The following SCAPER variants were observed in gnomAD, a reference collection of about 807,000 sequenced individuals.
SCAPER encodes the protein S-phase cyclin A associated protein in the ER.
Under a neutral mutation model 182.2 loss-of-function variants are expected in SCAPER, and 98 were observed. That is an observed-to-expected ratio of 0.54 (90% CI 0.46 to 0.64). The LOEUF is 0.64. Ranked by LOEUF, SCAPER falls within the 30% of genes least tolerant of loss-of-function variation. The probability of loss-of-function intolerance (pLI) is 0.00; values close to 1 mark genes in which losing one functional copy is unlikely to be tolerated. For synonymous variants in SCAPER, 605 were observed against 564.6 expected (o/e 1.07, Z -1.01); for missense variants, 1,432 against 1,690.0 (o/e 0.85, Z 2.68).
intron 20 of SCAPER, among the ~76,000 whole-genome samples, chr15:76,694,311 T>C (rs750868135): frequency 1.3e-4 from 20 of 152,148 alleles, no homozygotes; most frequent in Non-Finnish European, 2.6e-4. Flanking sequence ...TTTACCTCCT[T>C]GGGTGAATTT....
In SCAPER at chr15:76,575,185, C is replaced by G. The variant is rs139005329; in HGVS notation, c.2712-901G>C. 6.1e-3 allele frequency among the ~76,000 whole-genome samples: 927 copies of G among 152,204 alleles called. 4 individuals carry two copies. Among genetic ancestry groups the G allele is most frequent in the African/African-American group, 0.022 (894 of 41,526 alleles). Reference sequence around the variant, plus strand: ...GTCTTGCATGCATTAATTTCTTTAGCTGGATTAATGAAAACAACTGGCAGA... The same window carrying G: ...GTCTTGCATGCATTAATTTCTTTAGGTGGATTAATGAAAACAACTGGCAGA... On this transcript the variant is annotated intron_variant, in intron 22 of 31. Coordinates refer to ENST00000563290, the MANE Select transcript of SCAPER (RefSeq NM_020843.4).
At chr15:76,742,025 A>G (rs1383901914) in intron 15 of SCAPER, among the ~76,000 whole-genome samples, 1 of 152,146 alleles carries the variant, frequency 6.6e-6, no homozygotes, top group Non-Finnish European at 1.5e-5. Context: ...AACTAACAAA[A>G]TAAAGAAGGG....
chr15:76,861,980 T>C (rs901500068), intron 3 of SCAPER: 2 of 152,288 alleles, frequency 1.3e-5, no homozygotes, highest in Non-Finnish European at 2.9e-5. Flanking sequence ...TATAAAACCA[T>C]CACATTTCAT....
In SCAPER at chr15:76,476,595, A is replaced by ATTTTTTT. The variant is rs5813839; in HGVS notation, c.2955-5267_2955-5261dup. On this transcript the variant is annotated intron_variant, in intron 24 of 31. Transcript: ENST00000563290. ...AGGTACACACCACAACACCCAGCTAATTTTTTTTTTTTTTTTTTTTTTTTT... is the reference window on the plus strand; with the variant it reads ...AGGTACACACCACAACACCCAGCTAATTTTTTTTTTTTTTTTTTTTTTTTTTTTTTTT... 2.1e-3 allele frequency among the ~76,000 whole-genome samples: 156 copies of ATTTTTTT among 73,532 alleles called. 14 individuals are homozygous for ATTTTTTT. Among genetic ancestry groups the ATTTTTTT allele is most frequent in the African/African-American group, 3.1e-3 (58 of 18,962 alleles). 48.2% of individuals were successfully genotyped at this position (73,532 alleles called of 152,430 possible). A position where few individuals can be genotyped will look rare whatever the true frequency, so the allele number is the denominator to read the frequency against.
At chr15:76,728,510 C>T (rs1376304954) in intron 17 of SCAPER, 85 bp downstream of exon 17, 5 of 1,559,238 alleles carry the variant, frequency 3.2e-6, no homozygotes, top group South Asian at 2.4e-5. Context: ...CTCAAAAAAA[C>T]TCTACATGAC....
chr15:76,539,943 A>C (rs901452978), intron 23 of SCAPER, among the ~76,000 whole-genome samples: 2 of 152,228 alleles, frequency 1.3e-5, no homozygotes, highest in Admixed American at 6.5e-5. Flanking sequence ...TGAAACACTG[A>C]AACAGCAAAA....
intron 25 of SCAPER, among the ~76,000 whole-genome samples, chr15:76,438,650 T>C (rs62028415): frequency 0.084 from 12,789 of 151,582 alleles, 657 homozygotes; most frequent in African/African-American, 0.13. Flanking sequence ...CAAATCTCCC[T>C]TGTCAGGCTT....
chr15:76,747,013 A>G (rs1236891698), intron 15 of SCAPER, among the ~76,000 whole-genome samples: 10 of 152,218 alleles, frequency 6.6e-5, no homozygotes, highest in Admixed American at 4.6e-4. Context: ...CCAAACCTCA[A>G]TTCACATGGA....
chr15:76,603,932 T>A (rs1267719732), intron 22 of SCAPER, among the ~76,000 whole-genome samples: 1 of 121,768 alleles, frequency 8.2e-6, no homozygotes, highest in East Asian at 2.2e-4. Flanking sequence ...TAGCCCTTTG[T>A]CAGATGAGTA....
intron 17 of SCAPER, among the ~76,000 whole-genome samples, chr15:76,711,524 C>G (rs1051388284): frequency 3.9e-5 from 6 of 152,226 alleles, no homozygotes; most frequent in Admixed American, 1.3e-4. Flanking sequence ...ACTGATCCAC[C>G]AAATGGTGTC....
chr15:76,860,829 T>C (rs2071805454), intron 3 of SCAPER, among the ~76,000 whole-genome samples: 1 of 152,084 alleles, frequency 6.6e-6, no homozygotes, highest in Non-Finnish European at 1.5e-5. Context: ...AACAGGTGAA[T>C]TCTTGTTTAG....
intron 22 of SCAPER, among the ~76,000 whole-genome samples, chr15:76,606,988 T>C (rs1218145973): frequency 1.3e-5 from 2 of 152,280 alleles, no homozygotes; most frequent in Admixed American, 1.3e-4. Flanking sequence ...AGTCTGTGTC[T>C]TTTAATTGGA....
At chr15:76,641,088 T>C (rs1442272340) in intron 21 of SCAPER, among the ~76,000 whole-genome samples, 1 of 152,168 alleles carries the variant, frequency 6.6e-6, no homozygotes, top group East Asian at 1.9e-4. Flanking sequence ...TAGGGCATAC[T>C]CCCTTCTGAG....
At position 76,778,361 on chromosome 15, in the gene SCAPER, C is replaced by T. The variant is rs201411167; in HGVS notation, c.773-3244G>A. Among the ~76,000 whole-genome samples the T allele has an allele frequency of 9.9e-5, 15 of 152,090 alleles. No homozygotes were observed. The East Asian group carries it at 1.4e-3, about 14-fold the overall frequency. On this transcript the variant is annotated intron_variant, in intron 8 of 31. Transcript: ENST00000563290. Reference sequence around the variant, plus strand: ...AATATCAGTAAACTGTGATAAATTACGTATGTATAATGTTATACCTAAAGT... The same window carrying T: ...AATATCAGTAAACTGTGATAAATTATGTATGTATAATGTTATACCTAAAGT...
At chr15:76,522,529 T>C (rs2042911092) in intron 23 of SCAPER, among the ~76,000 whole-genome samples, 1 of 152,092 alleles carries the variant, frequency 6.6e-6, no homozygotes, top group African/African-American at 2.4e-5. Context: ...ATGTGAAAAA[T>C]ATGGACTGTA....
intron 1 of SCAPER, among the ~76,000 whole-genome samples, chr15:76,904,218 GGTGATCTAAGGCAA>G: frequency 6.6e-6 from 1 of 152,098 alleles, no homozygotes; most frequent in Non-Finnish European, 1.5e-5. Context: ...CTCACCAGCT[GGTGATCTAAGGCAA>G]GTAATAACCT....
At chr15:76,812,757 A>C (rs1436197046) in intron 5 of SCAPER, among the ~76,000 whole-genome samples, 1 of 152,152 alleles carries the variant, frequency 6.6e-6, no homozygotes, top group East Asian at 1.9e-4. Context: ...AGAAACAGAA[A>C]GCCTAAACAT....
At chr15:76,732,594 T>C (rs1265384220) in intron 16 of SCAPER, among the ~76,000 whole-genome samples, 1 of 151,950 alleles carries the variant, frequency 6.6e-6, no homozygotes, top group African/African-American at 2.4e-5. Context: ...GTAGCATCAG[T>C]GTCAAGGAAA....
chr15:76,442,416 G>A (rs898053938), intron 25 of SCAPER, among the ~76,000 whole-genome samples: 2 of 152,200 alleles, frequency 1.3e-5, no homozygotes, highest in African/African-American at 4.8e-5. Context: ...ATGAAAGAAT[G>A]GGTAGGTTTT....
Sources: allele counts gnomAD v4.1 joint callset (sites outside exome capture counted in the v4.1 genomes callset), GRCh38; gene constraint gnomAD v4.1.1; transcripts MANE v1.5; gene names NCBI Gene and HGNC (gene_info 2026-07-23, HGNC 2026-07-21).